The following PLGRKT variants were observed in gnomAD, a reference collection of about 807,000 sequenced individuals.
PLGRKT encodes the protein plasminogen receptor (KT).
Under a neutral mutation model 18.5 loss-of-function variants are expected in PLGRKT, and 22 were observed. That is an observed-to-expected ratio of 1.19 (90% CI 0.85 to 1.70). PLGRKT has a LOEUF of 1.70. Ranked by LOEUF, PLGRKT falls within the 40% of genes most tolerant of loss-of-function variation. The pLI, the probability that PLGRKT is intolerant of heterozygous loss-of-function variation, is 0.00. For missense variants in PLGRKT, 235 were observed against 174.4 expected (o/e 1.35, Z -1.96); for synonymous variants, 72 against 52.8 (o/e 1.36, Z -1.58).
chr9:5,375,684 CA>C (rs1240392645), intron 3 of PLGRKT, among the ~76,000 whole-genome samples: 1 of 152,162 alleles, frequency 6.6e-6, no homozygotes, highest in Non-Finnish European at 1.5e-5. Flanking sequence ...AAACACACAA[CA>C]AAAACAGAAA....
intron 3 of PLGRKT, 148 bp downstream of exon 3, chr9:5,431,749 A>G: frequency 5.2e-6 from 3 of 579,088 alleles, no homozygotes; most frequent in Non-Finnish European, 9.4e-6. Context: ...TCACCAGATA[A>G]TTAGTAAGCC....
At chr9:5,400,718 G>A (rs1818138370) in intron 3 of PLGRKT, among the ~76,000 whole-genome samples, 1 of 151,906 alleles carries the variant, frequency 6.6e-6, no homozygotes, top group Admixed American at 6.6e-5. Flanking sequence ...TAGTACAGAG[G>A]CTGGCATATT....
chr9:5,434,240 G>C (rs957208035), intron 2 of PLGRKT, among the ~76,000 whole-genome samples: 1 of 148,668 alleles, frequency 6.7e-6, no homozygotes, highest in African/African-American at 2.5e-5. Flanking sequence ...TGGGAAGTGA[G>C]GGGCGCCTCT....
At chr9:5,393,041 C>T (rs1467198293) in intron 3 of PLGRKT, among the ~76,000 whole-genome samples, 3 of 151,608 alleles carry the variant, frequency 2.0e-5, no homozygotes, top group Admixed American at 2.0e-4. Flanking sequence ...AGGATTTCAC[C>T]ATGTTGGCCA....
chr9:5,389,859 A>G (rs16923118), intron 3 of PLGRKT, among the ~76,000 whole-genome samples: 2,045 of 152,018 alleles, frequency 0.013, 93 homozygotes, highest in African/African-American at 0.047. Flanking sequence ...TCATTGAAGG[A>G]CAACACCTGT....
chr9:5,431,953 T>C lies in PLGRKT; in HGVS notation c.25A>G (p.Met9Val), dbSNP rs1442284578. 3.2e-6 allele frequency: 5 copies of C among 1,542,584 alleles called. No individual in the cohort carries two copies. The highest frequency in any genetic ancestry group is 1.7e-5 in the Admixed American group (1 of 59,512). ...TTTTGATTTTTCATGCTTTCATTCATAGATTTTGAAAATATAAACCCCATT... is the reference window on the plus strand; with the variant it reads ...TTTTGATTTTTCATGCTTTCATTCACAGATTTTGAAAATATAAACCCCATT... MGFIFSKS[M>V]NESMKNQKEF... The change falls in exon 3 of 6, where the codon ATG becomes GTG. Residue 9 changes from methionine to valine, a missense_variant. Transcript: ENST00000223864.
intron 3 of PLGRKT, among the ~76,000 whole-genome samples, chr9:5,430,812 T>A (rs1818807780): frequency 6.6e-6 from 1 of 152,224 alleles, no homozygotes; most frequent in Non-Finnish European, 1.5e-5. Flanking sequence ...AGGAAAATAA[T>A]TCGGGTCAAA....
chr9:5,367,892 GC>G (rs1266721459), intron 3 of PLGRKT, among the ~76,000 whole-genome samples: 1 of 151,936 alleles, frequency 6.6e-6, no homozygotes. Context: ...AACTCAATAA[GC>G]AAAAACCAAA....
rs115032779 is a variant in PLGRKT, at chr9:5,409,961, G to A, written c.81+21936C>T. ...AAATTCTTATCTAAGAACAAGCATA[G>A]GAGAAGTGGGACCTGGAGAAATTTT... On this transcript the variant is annotated intron_variant, in intron 3 of 5. Transcript: ENST00000223864. Among the ~76,000 whole-genome samples the A allele has an allele frequency of 1.6e-3, 251 of 152,250 alleles. 1 individual carries two copies. The highest frequency in any genetic ancestry group is 0.014 in the Middle Eastern group (4 of 294).
intron 3 of PLGRKT, among the ~76,000 whole-genome samples, chr9:5,407,878 A>ATG (rs955835826): frequency 1.3e-5 from 2 of 152,020 alleles, no homozygotes; most frequent in African/African-American, 4.8e-5. Flanking sequence ...ATCTGTAACT[A>ATG]TGTGTGTGTG....
chr9:5,369,362 G>C (rs1817466707), intron 3 of PLGRKT, among the ~76,000 whole-genome samples: 1 of 152,220 alleles, frequency 6.6e-6, no homozygotes, highest in Non-Finnish European at 1.5e-5. Flanking sequence ...CTGGTCATTA[G>C]AGAAATGCAA....
intron 3 of PLGRKT, among the ~76,000 whole-genome samples, chr9:5,365,180 G>A (rs1165190071): frequency 1.3e-5 from 2 of 152,102 alleles, no homozygotes; most frequent in African/African-American, 4.8e-5. Flanking sequence ...ACTGGGGCAA[G>A]AAATGTATAA....
intron 3 of PLGRKT, among the ~76,000 whole-genome samples, chr9:5,381,297 G>A (rs551430720): frequency 7.9e-5 from 12 of 152,316 alleles, no homozygotes; most frequent in South Asian, 2.1e-4. Flanking sequence ...ATGGTTTCAC[G>A]GGCCAGGCCC....
At chr9:5,427,400 G>C (rs140991517) in intron 3 of PLGRKT, among the ~76,000 whole-genome samples, 1 of 151,938 alleles carries the variant, frequency 6.6e-6, no homozygotes, top group Admixed American at 6.6e-5. Context: ...AAGTGAAAGA[G>C]TGGAAGTTCT....
chr9:5,432,030 C>G (rs1040606324), intron 2 of PLGRKT, 47 bp from the exon 3 acceptor site: 1 of 815,524 alleles, frequency 1.2e-6, no homozygotes, highest in African/African-American at 1.7e-5. Context: ...ACACTACATG[C>G]ATTCTTGTAT....
At chr9:5,427,294 G>A (rs907636191) in intron 3 of PLGRKT, among the ~76,000 whole-genome samples, 2 of 152,068 alleles carry the variant, frequency 1.3e-5, no homozygotes, top group Non-Finnish European at 2.9e-5. Context: ...TGGTGTGCAG[G>A]TAACCCTTGT....
rs575811763 is a variant in PLGRKT at position 5,380,676 on chromosome 9, TC to T, written c.82-18789del. On this transcript the variant is annotated intron_variant, in intron 3 of 5. Transcript: ENST00000223864. Reference sequence around the variant, plus strand: ...AATTTTATTTTATCTTTTTCCCACTTCTAAAATGTAAGCTCCATGAGGGCAA... The same window carrying T: ...AATTTTATTTTATCTTTTTCCCACTTTAAAATGTAAGCTCCATGAGGGCAA... 1.6e-4 allele frequency among the ~76,000 whole-genome samples: 24 copies of T among 152,324 alleles called. No homozygotes were observed. The South Asian group carries it at 3.7e-3, about 24-fold the overall frequency.
intron 3 of PLGRKT, among the ~76,000 whole-genome samples, chr9:5,366,323 T>C (rs900149563): frequency 6.6e-6 from 1 of 152,192 alleles, no homozygotes; most frequent in African/African-American, 2.4e-5. Context: ...CAGCAAGTTC[T>C]CTTAATGGTT....
At position 5,359,454 on chromosome 9, in the gene PLGRKT, C is replaced by A. The variant is rs558066339; in HGVS notation, c.323-1094G>T. ...ATCTGCAAATGTCTTATTTTTTTTA[C>A]CTCTGTCTCAAATAGCAAGTAAAAT... is the stretch of plus-strand genomic sequence containing the variant. On this transcript the variant is annotated intron_variant, in intron 5 of 5. Coordinates refer to ENST00000223864, the MANE Select transcript of PLGRKT (RefSeq NM_018465.4). Among the ~76,000 whole-genome samples the A allele has an allele frequency of 3.3e-5, 5 of 152,180 alleles. No individual in the cohort carries two copies. In the East Asian group the frequency reaches 5.8e-4, roughly 18 times the overall value.
Sources: allele counts gnomAD v4.1 joint callset (sites outside exome capture counted in the v4.1 genomes callset), GRCh38; gene constraint gnomAD v4.1.1; transcripts MANE v1.5; gene names NCBI Gene and HGNC (gene_info 2026-07-23, HGNC 2026-07-21).